The following DACH1 variants were observed in gnomAD, a reference collection of about 807,000 sequenced individuals.
DACH1 encodes the protein dachshund family transcription factor 1.
Under a neutral mutation model 54.2 loss-of-function variants are expected in DACH1, and 12 were observed. The observed-to-expected ratio is 0.22, with a 90% CI of 0.14 to 0.36. DACH1 has a LOEUF of 0.36. DACH1 is among the 10% of genes least tolerant of loss of function. The probability of loss-of-function intolerance (pLI) is 1.00; values close to 1 mark genes in which losing one functional copy is unlikely to be tolerated. For missense variants in DACH1, 805 were observed against 929.8 expected (o/e 0.87, Z 1.75); for synonymous variants, 386 against 366.2 (o/e 1.05, Z -0.62).
At chr13:71,584,733 TA>T (rs1873108425) in intron 3 of DACH1, among the ~76,000 whole-genome samples, 1 of 152,120 alleles carries the variant, frequency 6.6e-6, no homozygotes, top group South Asian at 2.1e-4. Context: ...AATAAAATTT[TA>T]AATTTTAGAT....
At chr13:71,753,622 A>G (rs905979137) in intron 1 of DACH1, among the ~76,000 whole-genome samples, 18 of 152,230 alleles carry the variant, frequency 1.2e-4, no homozygotes, top group African/African-American at 4.3e-4. Context: ...AATAGTATGA[A>G]GAAAATTGCC....
intron 1 of DACH1, among the ~76,000 whole-genome samples, chr13:71,772,305 G>C (rs1885891049): frequency 6.6e-6 from 1 of 151,638 alleles, no homozygotes; most frequent in South Asian, 2.1e-4. Context: ...TCACACTTTT[G>C]TTAAAGCATT....
intron 1 of DACH1, among the ~76,000 whole-genome samples, chr13:71,730,816 A>G (rs1446606567): frequency 6.6e-6 from 1 of 151,996 alleles, no homozygotes; most frequent in Non-Finnish European, 1.5e-5. Context: ...GTCATGTAAA[A>G]TAGCTACAAT....
chr13:71,472,412 G>A (rs1214259634), intron 10 of DACH1, among the ~76,000 whole-genome samples: 1 of 152,138 alleles, frequency 6.6e-6, no homozygotes, highest in Non-Finnish European at 1.5e-5. Context: ...TGCATATTTA[G>A]GGGTAATTAC....
chr13:71,626,199 G>A (rs1320732427), intron 3 of DACH1, among the ~76,000 whole-genome samples: 1 of 151,888 alleles, frequency 6.6e-6, no homozygotes, highest in Non-Finnish European at 1.5e-5. Flanking sequence ...AAGGAAGGGA[G>A]TAAGATACTA....
chr13:71,670,446 C>T (rs1224522880), intron 2 of DACH1, among the ~76,000 whole-genome samples: 2 of 152,042 alleles, frequency 1.3e-5, no homozygotes, highest in African/African-American at 4.8e-5. Context: ...TATATTGTAA[C>T]AGTAGCAATG....
At chr13:71,803,987 A>T (rs1291208199) in intron 1 of DACH1, among the ~76,000 whole-genome samples, 1 of 152,174 alleles carries the variant, frequency 6.6e-6, no homozygotes, top group Non-Finnish European at 1.5e-5. Flanking sequence ...ACAGGTGTAC[A>T]GGAGGAACAG....
At chr13:71,636,848 T>C (rs1044356673) in intron 2 of DACH1, among the ~76,000 whole-genome samples, 1 of 152,138 alleles carries the variant, frequency 6.6e-6, no homozygotes, top group Admixed American at 6.6e-5. Context: ...ACACAGAACT[T>C]AGAAACGTGG....
At position 71,440,533 on chromosome 13, in the gene DACH1, A is replaced by T. The variant is rs898256059; in HGVS notation, c.*122T>A. The T allele has an allele frequency of 1.3e-6, 1 of 761,352 alleles. No homozygotes were observed. Among genetic ancestry groups the T allele is most frequent in the Non-Finnish European group, 2.2e-6 (1 of 463,032 alleles). The allele number at this position is 761,352 out of a possible 1,614,324, so 47.2% of individuals were successfully genotyped here. ...TAGAATACTTAAACTTTTAAAGAAC[A>T]TTAATACACAAAATTCAGGAAGTTC... On this transcript the variant is annotated 3_prime_UTR_variant, in exon 11 of 11. Transcript: ENST00000613252.
intron 1 of DACH1, among the ~76,000 whole-genome samples, chr13:71,817,891 T>A (rs1888027534): frequency 1.4e-5 from 2 of 146,112 alleles, no homozygotes; most frequent in African/African-American, 5.1e-5. Context: ...CTCGGCTCAC[T>A]GCAACCTCTG....
At position 71,764,488 on chromosome 13, in the gene DACH1, A is replaced by T. The variant is rs528693242; in HGVS notation, c.849-82578T>A. ...TAAAACTATAAATGTTATAAATGAG[A>T]TAAAGTATTCAATAAAGGCACAAAG... On this transcript the variant is annotated intron_variant, in intron 1 of 10. Coordinates refer to ENST00000613252, the MANE Select transcript of DACH1 (RefSeq NM_080759.6). Among the ~76,000 whole-genome samples, 3 of 152,292 alleles carry T rather than the reference A, an allele frequency of 2.0e-5. No individual in the cohort carries two copies. In the South Asian group the frequency reaches 6.2e-4, roughly 32 times the overall value.
At chr13:71,790,087 CA>C (rs892739674) in intron 1 of DACH1, among the ~76,000 whole-genome samples, 30 of 152,220 alleles carry the variant, frequency 2.0e-4, no homozygotes, top group Non-Finnish European at 3.7e-4. Context: ...ATTCAGTAGG[CA>C]AAAGCCTGCT....
intron 1 of DACH1, among the ~76,000 whole-genome samples, chr13:71,754,544 A>T (rs1054281854): frequency 1.3e-5 from 2 of 152,126 alleles, no homozygotes; most frequent in Non-Finnish European, 2.9e-5. Context: ...AATGAGGTTT[A>T]TGGAGGTTAA....
At chr13:71,483,509 C>T (rs1878235599) in intron 7 of DACH1, among the ~76,000 whole-genome samples, 1 of 145,526 alleles carries the variant, frequency 6.9e-6, no homozygotes, top group Admixed American at 6.9e-5. Flanking sequence ...TAAATGAATA[C>T]ATAATAAAAT....
chr13:71,470,364 A>T (rs1330197626), intron 10 of DACH1, among the ~76,000 whole-genome samples: 1 of 148,904 alleles, frequency 6.7e-6, no homozygotes, highest in East Asian at 2.0e-4. Flanking sequence ...GCTGGAGTGC[A>T]GTGGTGCAAC....
chr13:71,578,118 A>C (rs760722858), intron 3 of DACH1, among the ~76,000 whole-genome samples: 12 of 152,198 alleles, frequency 7.9e-5, no homozygotes, highest in Non-Finnish European at 1.5e-4. Context: ...TATCATTTAT[A>C]CCTAGGTGAC....
chr13:71,477,956 A>G (rs551892915), intron 8 of DACH1, among the ~76,000 whole-genome samples: 5 of 152,320 alleles, frequency 3.3e-5, no homozygotes, highest in African/African-American at 1.2e-4. Context: ...TTAACGAAAG[A>G]AAACAGAATG....
rs192675802 is a variant in DACH1 at position 71,488,991 on chromosome 13, G to A, written c.1722+6C>T. On this transcript the variant is annotated splice_donor_region_variant and intron_variant, in intron 7 of 10. Coordinates refer to ENST00000613252, the MANE Select transcript of DACH1 (RefSeq NM_080759.6). ...TGTCTTTCTTCCAGGTTGTAAAAAG[G>A]CCTACCTGTATGTTAGTCAGAAGAG... 9,953 of 1,611,052 alleles carry A rather than the reference G, an allele frequency of 6.2e-3. 57 individuals are homozygous for A. The highest frequency in any genetic ancestry group is 7.5e-3 in the Non-Finnish European group (8,804 of 1,178,666).
At chr13:71,448,962 G>T (rs746357790) in intron 10 of DACH1, among the ~76,000 whole-genome samples, 3 of 151,938 alleles carry the variant, frequency 2.0e-5, no homozygotes, top group Non-Finnish European at 4.4e-5. Flanking sequence ...TGCTGTTCTA[G>T]ACAATAAGCA....
Sources: allele counts gnomAD v4.1 joint callset (sites outside exome capture counted in the v4.1 genomes callset), GRCh38; gene constraint gnomAD v4.1.1; transcripts MANE v1.5; gene names NCBI Gene and HGNC (gene_info 2026-07-23, HGNC 2026-07-21).